Variants in KCND2 observed in about 807,000 individuals in gnomAD.
The protein encoded by KCND2 is A-type voltage-gated potassium channel KCND2.
Under a neutral mutation model 54.4 loss-of-function variants are expected in KCND2, and 16 were observed. The observed-to-expected ratio is 0.29, with a 90% CI of 0.20 to 0.45. The LOEUF (loss-of-function observed/expected upper bound fraction) is 0.45. Among genes scored for constraint, KCND2 ranks in the 20% least tolerant of loss-of-function variants. KCND2 has a pLI of 1.00. For synonymous variants in KCND2, 317 were observed against 310.7 expected (o/e 1.02, Z -0.21); for missense variants, 486 against 824.2 (o/e 0.59, Z 5.02).
chr7:120,326,871 T>C (rs756872337), intron 1 of KCND2, among the ~76,000 whole-genome samples: 6 of 152,060 alleles, frequency 3.9e-5, no homozygotes, highest in Admixed American at 6.6e-5. Flanking sequence ...GGTGAATGAA[T>C]AATGTACTGA....
chr7:120,312,504 T>C (rs559169977), intron 1 of KCND2, among the ~76,000 whole-genome samples: 77 of 152,302 alleles, frequency 5.1e-4, no homozygotes, highest in Non-Finnish European at 4.3e-4. Context: ...TTTACTGAGT[T>C]CATGCAGCTA....
intron 1 of KCND2, among the ~76,000 whole-genome samples, chr7:120,568,891 C>CT (rs1262855909): frequency 3.3e-5 from 5 of 151,754 alleles, no homozygotes; most frequent in African/African-American, 4.8e-5. Context: ...AGGGGCATAT[C>CT]TTTTTTTTAA....
At chr7:120,645,188 A>G (rs1422698058) in intron 1 of KCND2, among the ~76,000 whole-genome samples, 2 of 152,252 alleles carry the variant, frequency 1.3e-5, no homozygotes, top group African/African-American at 2.4e-5. Flanking sequence ...CCTCATTGCT[A>G]TAAAAGCCTG....
chr7:120,413,501 A>G (rs1003142969), intron 1 of KCND2, among the ~76,000 whole-genome samples: 1 of 152,028 alleles, frequency 6.6e-6, no homozygotes, highest in African/African-American at 2.4e-5. Context: ...AAATATATGT[A>G]CATATGCATA....
At chr7:120,674,790 A>G (rs1313791134) in intron 1 of KCND2, among the ~76,000 whole-genome samples, 2 of 152,188 alleles carry the variant, frequency 1.3e-5, no homozygotes, top group African/African-American at 4.8e-5. Flanking sequence ...CAAACTTTGT[A>G]TTGCTTTATA....
At chr7:120,745,574 T>A (rs1441917277) in intron 4 of KCND2, among the ~76,000 whole-genome samples, 1 of 152,120 alleles carries the variant, frequency 6.6e-6, no homozygotes, top group Non-Finnish European at 1.5e-5. Flanking sequence ...CAGATGTCAA[T>A]CTCTAGGTTT....
chr7:120,274,532 A>T lies in KCND2; in HGVS notation c.-101A>T. 4 of 1,333,334 alleles carry T rather than the reference A, an allele frequency of 3.0e-6. No individual in the cohort carries two copies. The highest frequency in any genetic ancestry group is 4.3e-6 in the Non-Finnish European group (4 of 925,902). The allele number at this position is 1,333,334 out of a possible 1,614,324, so 82.6% of individuals were successfully genotyped here. A position where few individuals can be genotyped will look rare whatever the true frequency, so the allele number is the denominator to read the frequency against. On this transcript the variant is annotated 5_prime_UTR_variant, in exon 1 of 6. Coordinates refer to ENST00000331113, the MANE Select transcript of KCND2 (RefSeq NM_012281.3). ...GTTACACCTCTGGACCACGTTTCTCACTAGTACTTTGCTTGACTGGAGGAA... is the reference window on the plus strand; with the variant it reads ...GTTACACCTCTGGACCACGTTTCTCTCTAGTACTTTGCTTGACTGGAGGAA...
intron 1 of KCND2, among the ~76,000 whole-genome samples, chr7:120,307,297 T>C (rs1799662198): frequency 6.6e-6 from 1 of 152,048 alleles, no homozygotes; most frequent in Admixed American, 6.6e-5. Flanking sequence ...GTGAGGGGAA[T>C]TTTCAGCATA....
At chr7:120,522,705 T>A (rs1310329656) in intron 1 of KCND2, among the ~76,000 whole-genome samples, 2 of 152,158 alleles carry the variant, frequency 1.3e-5, no homozygotes, top group Non-Finnish European at 2.9e-5. Context: ...AATATTCAGA[T>A]TCTTTATATT....
At chr7:120,340,815 T>C (rs998709166) in intron 1 of KCND2, among the ~76,000 whole-genome samples, 1 of 152,208 alleles carries the variant, frequency 6.6e-6, no homozygotes, top group African/African-American at 2.4e-5. Flanking sequence ...CTAGCTATTT[T>C]GTTGTAAAAG....
intron 1 of KCND2, among the ~76,000 whole-genome samples, chr7:120,309,510 T>G (rs971481702): frequency 7.4e-6 from 1 of 135,492 alleles, no homozygotes; most frequent in South Asian, 2.5e-4. Flanking sequence ...CACATATGTA[T>G]GTATATATAT....
intron 1 of KCND2, among the ~76,000 whole-genome samples, chr7:120,400,270 AAGG>A (rs1382014943): frequency 6.6e-6 from 1 of 152,168 alleles, no homozygotes; most frequent in Non-Finnish European, 1.5e-5. Flanking sequence ...GTTCTACAAT[AAGG>A]AGGAGTACTT....
intron 1 of KCND2, among the ~76,000 whole-genome samples, chr7:120,541,844 G>A (rs1441348353): frequency 6.6e-6 from 1 of 152,084 alleles, no homozygotes; most frequent in Non-Finnish European, 1.5e-5. Context: ...TAAATTTGTA[G>A]ACACCCAGGG....
chr7:120,556,656 A>G (rs1421188880), intron 1 of KCND2, among the ~76,000 whole-genome samples: 1 of 152,190 alleles, frequency 6.6e-6, no homozygotes, highest in African/African-American at 2.4e-5. Flanking sequence ...TTTGGGAGGC[A>G]GAATGAGGAC....
chr7:120,323,203 T>G (rs992613041), intron 1 of KCND2, among the ~76,000 whole-genome samples: 7 of 152,124 alleles, frequency 4.6e-5, no homozygotes, highest in African/African-American at 1.7e-4. Context: ...GTGCCCTGTG[T>G]TCTCATTATT....
intron 1 of KCND2, among the ~76,000 whole-genome samples, chr7:120,453,206 C>G (rs979313610): frequency 6.6e-6 from 1 of 152,320 alleles, no homozygotes; most frequent in South Asian, 2.1e-4. Flanking sequence ...TCTTCTCCCC[C>G]ACCACTGTGC....
intron 1 of KCND2, among the ~76,000 whole-genome samples, chr7:120,678,777 T>TACAC (rs1554385356): frequency 8.2e-5 from 10 of 122,580 alleles, no homozygotes; most frequent in African/African-American, 2.9e-4. Flanking sequence ...TATATATATA[T>TACAC]ACACATAAAC....
rs184164946 is a variant in KCND2 at position 120,282,610 on chromosome 7, A to G, written c.1115+6863A>G. On this transcript the variant is annotated intron_variant, in intron 1 of 5. Transcript: ENST00000331113. Reference sequence around the variant, plus strand: ...GAGGTTAATAATGGGAAAAAATAACATTGAAAGAGTAGGATGACAGTTGAG... The same window carrying G: ...GAGGTTAATAATGGGAAAAAATAACGTTGAAAGAGTAGGATGACAGTTGAG... Among the ~76,000 whole-genome samples, 175 of 152,276 alleles carry G rather than the reference A, an allele frequency of 1.1e-3. 1 individual carries two copies. The highest frequency in any genetic ancestry group is 2.1e-3 in the Non-Finnish European group (145 of 68,006).
chr7:120,333,295 A>G (rs940740021), intron 1 of KCND2, among the ~76,000 whole-genome samples: 2 of 152,148 alleles, frequency 1.3e-5, no homozygotes, highest in Admixed American at 1.3e-4. Flanking sequence ...GCTTACAAAT[A>G]TATGGGTTAT....
Sources: allele counts gnomAD v4.1 joint callset (sites outside exome capture counted in the v4.1 genomes callset), GRCh38; gene constraint gnomAD v4.1.1; transcripts MANE v1.5; gene names NCBI Gene and HGNC (gene_info 2026-07-23, HGNC 2026-07-21).